Variants in NTN1 observed in about 807,000 individuals in gnomAD.
The protein encoded by NTN1 is netrin-1.
NTN1 carries 11 observed loss-of-function variants against 54.2 expected under a neutral mutation model. That is an observed-to-expected ratio of 0.20 (90% CI 0.13 to 0.34). The LOEUF is 0.34. Ranked by LOEUF, NTN1 falls within the 10% of genes least tolerant of loss-of-function variation. The pLI is 1.00. For missense variants in NTN1, 740 were observed against 893.1 expected (o/e 0.83, Z 2.18); for synonymous variants, 371 against 382.0 (o/e 0.97, Z 0.33).
chr17:9,103,186 A>C (rs117810738), intron 2 of NTN1, among the ~76,000 whole-genome samples: 2,065 of 152,366 alleles, frequency 0.014, 23 homozygotes, highest in Middle Eastern at 0.041. Flanking sequence ...GAAGAATTGA[A>C]AGCACGGACT....
intron 2 of NTN1, among the ~76,000 whole-genome samples, chr17:9,141,937 G>A (rs910968163): frequency 6.6e-6 from 1 of 151,956 alleles, no homozygotes; most frequent in Non-Finnish European, 1.5e-5. Flanking sequence ...TCAGGAGTTC[G>A]AGACCAGCCT....
intron 2 of NTN1, among the ~76,000 whole-genome samples, chr17:9,079,825 T>C (rs1296180699): frequency 6.6e-6 from 1 of 150,616 alleles, no homozygotes; most frequent in Non-Finnish European, 1.5e-5. Flanking sequence ...GAGGAAGTGG[T>C]TCCCCAATGG....
At chr17:9,048,752 G>A (rs547368788) in intron 2 of NTN1, among the ~76,000 whole-genome samples, 15 of 152,176 alleles carry the variant, frequency 9.9e-5, no homozygotes, top group African/African-American at 3.6e-4. Context: ...TGTCTCCCGG[G>A]TTCAAGCAAT....
chr17:9,116,748 C>G (rs2092214079), intron 2 of NTN1, among the ~76,000 whole-genome samples: 1 of 152,140 alleles, frequency 6.6e-6, no homozygotes, highest in East Asian at 1.9e-4. Flanking sequence ...TGTCCTTTCA[C>G]AGAACTTGTG....
intron 2 of NTN1, among the ~76,000 whole-genome samples, chr17:9,151,117 C>T (rs1053063904): frequency 6.6e-6 from 1 of 152,180 alleles, no homozygotes; most frequent in Non-Finnish European, 1.5e-5. Flanking sequence ...ATCTGCCCCC[C>T]ACCCCTGTCC....
intron 2 of NTN1, among the ~76,000 whole-genome samples, chr17:9,140,754 C>T (rs2092295337): frequency 1.3e-5 from 2 of 152,200 alleles, no homozygotes; most frequent in Admixed American, 1.3e-4. Flanking sequence ...GACCTTTGTC[C>T]TGCACAGGAG....
At chr17:9,055,439 G>A (rs2091975940) in intron 2 of NTN1, among the ~76,000 whole-genome samples, 1 of 152,174 alleles carries the variant, frequency 6.6e-6, no homozygotes, top group African/African-American at 2.4e-5. Context: ...CTAACATCAG[G>A]TAGTGACTGG....
chr17:9,106,348 A>G (rs1009193197), intron 2 of NTN1, among the ~76,000 whole-genome samples: 24 of 152,204 alleles, frequency 1.6e-4, no homozygotes, highest in African/African-American at 5.3e-4. Context: ...AGATGGTTGA[A>G]GTGTGAAGCT....
Position 9,211,396 on chromosome 17 carries a change from GTCA to G in NTN1, c.1412-9767_1412-9765del, listed in dbSNP as rs1905104440. On this transcript the variant is annotated intron_variant, in intron 5 of 6. Transcript: ENST00000173229. This position sits in a 1 kb window ranked among gnomAD's most constrained non-coding sequence, Gnocchi z 4.4. ...TCCCTCCCAGTGTGCTCGGCTCACT[GTCA>G]TCATTTCCTGAGTGTCACCGTCAGG... is the stretch of plus-strand genomic sequence containing the variant. 6.6e-6 allele frequency among the ~76,000 whole-genome samples: 1 copy of G among 152,116 alleles called. No homozygotes were observed. Among genetic ancestry groups the G allele is most frequent in the Non-Finnish European group, 1.5e-5 (1 of 68,036 alleles).
rs71361871 is a variant in NTN1 at position 9,193,920 on chromosome 17, T to TAAAAAAAAAAA, written c.1411+10965_1411+10975dup. Among the ~76,000 whole-genome samples the TAAAAAAAAAAA allele has an allele frequency of 2.2e-3, 97 of 44,878 alleles. 5 individuals carry two copies. The highest frequency in any genetic ancestry group is 9.9e-3 in the African/African-American group (91 of 9,214). The allele number at this position is 44,878 out of a possible 152,430, so 29.4% of individuals were successfully genotyped here. A position where few individuals can be genotyped will look rare whatever the true frequency, so the allele number is the denominator to read the frequency against. ...TGGGCGACAAGAGTGAAACTCCGACTAAAAAAAAAAAAAAAAAAAAAAAAC... is the reference window on the plus strand; with the variant it reads ...TGGGCGACAAGAGTGAAACTCCGACTAAAAAAAAAAAAAAAAAAAAAAAAAAAAAAAAAAAC... On this transcript the variant is annotated intron_variant, in intron 5 of 6. Coordinates refer to ENST00000173229, the MANE Select transcript of NTN1 (RefSeq NM_004822.3).
intron 5 of NTN1, among the ~76,000 whole-genome samples, chr17:9,200,968 C>T (rs1000471076): frequency 1.3e-5 from 2 of 152,154 alleles, no homozygotes; most frequent in African/African-American, 2.4e-5. Context: ...AATGAAGCCT[C>T]AAGTCCAACA....
intron 5 of NTN1, among the ~76,000 whole-genome samples, chr17:9,198,520 T>G (rs1272378225): frequency 6.6e-6 from 1 of 152,048 alleles, no homozygotes; most frequent in East Asian, 1.9e-4. Flanking sequence ...GGTGATTTGG[T>G]GGGAAGGGAA....
intron 2 of NTN1, among the ~76,000 whole-genome samples, chr17:9,134,150 G>A (rs1029164734): frequency 1.2e-4 from 19 of 152,010 alleles, no homozygotes; most frequent in Non-Finnish European, 5.9e-5. Context: ...TGATCTGCCC[G>A]CCTCAGCCTC....
intron 2 of NTN1, among the ~76,000 whole-genome samples, chr17:9,139,083 G>GTTA (rs2092289833): frequency 6.6e-6 from 1 of 152,186 alleles, no homozygotes. Context: ...CGGGGGACAG[G>GTTA]GACTAAGTAG....
At chr17:9,088,575 C>T (rs1336778736) in intron 2 of NTN1, among the ~76,000 whole-genome samples, 10 of 152,234 alleles carry the variant, frequency 6.6e-5, no homozygotes, top group African/African-American at 2.4e-4. Context: ...CTGAGTCCCA[C>T]CTCCACCCGC....
rs1365487145 is a variant in NTN1, at chr17:9,211,506, A to AC, written c.1412-9659dup. On this transcript the variant is annotated intron_variant, in intron 5 of 6. Coordinates refer to ENST00000173229, the MANE Select transcript of NTN1 (RefSeq NM_004822.3). The surrounding 1 kb of genome is among the most constrained non-coding windows in gnomAD (Gnocchi z 4.4). ...CACTGCTCCATTAGCCTTGGGGATC[A>AC]CCCAGTGCCTCCCAGAGCTGTTCAT... Among the ~76,000 whole-genome samples the AC allele has an allele frequency of 6.6e-6, 1 of 152,174 alleles. No homozygotes were observed. The highest frequency in any genetic ancestry group is 2.4e-5 in the African/African-American group (1 of 41,444).
Position 9,235,058 on chromosome 17 carries a change from G to C in NTN1, c.1487-4582G>C, listed in dbSNP as rs867616816. Among the ~76,000 whole-genome samples, 16 of 148,532 alleles carry C rather than the reference G, an allele frequency of 1.1e-4. No individual in the cohort carries two copies. The South Asian group carries it at 2.1e-3, about 20-fold the overall frequency. On this transcript the variant is annotated intron_variant, in intron 6 of 6. Transcript: ENST00000173229. ...GCTCACTGCAAACTCCGCCTCCCGG[G>C]TTCAAGCGATTCTCCTGCCTCAGCC... is the stretch of plus-strand genomic sequence containing the variant.
intron 5 of NTN1, among the ~76,000 whole-genome samples, chr17:9,210,905 G>GAAAA (rs58541910): frequency 1.3e-4 from 3 of 23,492 alleles, no homozygotes; most frequent in Admixed American, 9.1e-4. Flanking sequence ...GACTCCATCT[G>GAAAA]AAAAAAAAAA....
intron 2 of NTN1, among the ~76,000 whole-genome samples, chr17:9,053,034 GT>G (rs1261521497): frequency 6.6e-6 from 1 of 152,228 alleles, no homozygotes; most frequent in East Asian, 1.9e-4. Context: ...CTTTCCCATT[GT>G]TGAACTTGGA....
Sources: allele counts gnomAD v4.1 joint callset (sites outside exome capture counted in the v4.1 genomes callset), GRCh38; gene constraint gnomAD v4.1.1; non-coding constraint Gnocchi (gnomAD v3.1); transcripts MANE v1.5; gene names NCBI Gene and HGNC (gene_info 2026-07-23, HGNC 2026-07-21).